The following MPP7 variants were observed in gnomAD, a reference collection of about 807,000 sequenced individuals.
MPP7 encodes the protein MAGUK p55 scaffold protein 7.
A neutral mutation model predicts 76.5 loss-of-function variants in MPP7; 60 were observed. The ratio of observed to expected loss-of-function variants is 0.78; its 90% confidence interval spans 0.64 to 0.97. The LOEUF is 0.97. Among genes scored for constraint, MPP7 ranks in the 50% least tolerant of loss-of-function variants. The pLI is 0.00. For synonymous variants in MPP7, 237 were observed against 244.5 expected (o/e 0.97, Z 0.29); for missense variants, 641 against 694.0 (o/e 0.92, Z 0.86).
intron 3 of MPP7, among the ~76,000 whole-genome samples, chr10:28,184,601 G>A (rs938294004): frequency 2.5e-4 from 37 of 149,300 alleles, no homozygotes; most frequent in Admixed American, 1.6e-3. Context: ...CCAGCTACTC[G>A]GTAGGCTGAC....
intron 3 of MPP7, among the ~76,000 whole-genome samples, chr10:28,154,745 T>TGGGGGG (rs747299776): frequency 2.2e-5 from 3 of 135,216 alleles, no homozygotes; most frequent in African/African-American, 9.3e-5. Context: ...TTAGTTGGGG[T>TGGGGGG]GGGGGGTGGT....
chr10:28,248,252 TA>T (rs1256900072), intron 1 of MPP7, among the ~76,000 whole-genome samples: 1 of 152,114 alleles, frequency 6.6e-6, no homozygotes, highest in African/African-American at 2.4e-5. Flanking sequence ...ATGACCAATT[TA>T]GTGTCAAGAA....
At chr10:28,123,916 C>T (rs1834923592) in intron 8 of MPP7, 115 bp downstream of exon 8, 5 of 690,528 alleles carry the variant, frequency 7.2e-6, no homozygotes, top group Admixed American at 7.0e-5. Context: ...ATTAAGTGTT[C>T]GAACCCTGCA....
intron 13 of MPP7, among the ~76,000 whole-genome samples, chr10:28,063,252 G>A (rs1258307630): frequency 6.6e-6 from 1 of 152,086 alleles, no homozygotes; most frequent in Non-Finnish European, 1.5e-5. Flanking sequence ...TTGAGGCCAG[G>A]AGCTCGAAAC....
chr10:28,321,147 T>A (rs938091669), intron 2 of MPP7, among the ~76,000 whole-genome samples: 1 of 152,158 alleles, frequency 6.6e-6, no homozygotes, highest in African/African-American at 2.4e-5. Context: ...AAAGCTGACA[T>A]CTCAAATATA....
intron 2 of MPP7, among the ~76,000 whole-genome samples, chr10:28,238,002 C>A (rs1839134848): frequency 6.6e-6 from 1 of 151,774 alleles, no homozygotes; most frequent in Admixed American, 6.6e-5. Flanking sequence ...CTTATAAATA[C>A]CTATTCTAGG....
chr10:28,145,778 T>C (rs1835683320), intron 5 of MPP7, among the ~76,000 whole-genome samples: 1 of 148,944 alleles, frequency 6.7e-6, no homozygotes, highest in African/African-American at 2.5e-5. Context: ...CACTGCTAGA[T>C]AAAATGAAAA....
intron 11 of MPP7, chr10:28,118,094 T>C (rs11006880): frequency 0.076 from 72,711 of 959,126 alleles, 4,127 homozygotes; most frequent in East Asian, 0.46. Context: ...GATCCAAATA[T>C]TGAAGTATTA....
chr10:28,186,697 T>C (rs2997210), intron 3 of MPP7, among the ~76,000 whole-genome samples: 125,562 of 152,186 alleles, frequency 0.83, 52,422 homozygotes, highest in African/African-American at 0.89. Flanking sequence ...TATCCAAAAA[T>C]AGCACAATCC....
chr10:28,309,558 C>G (rs1318731446), intron 2 of MPP7, among the ~76,000 whole-genome samples: 1 of 152,170 alleles, frequency 6.6e-6, no homozygotes, highest in African/African-American at 2.4e-5. Context: ...TGGAGCACTC[C>G]CCCTTGTTAC....
chr10:28,299,912 G>A (rs1032346433), intron 1 of MPP7, among the ~76,000 whole-genome samples: 14 of 151,970 alleles, frequency 9.2e-5, no homozygotes, highest in African/African-American at 1.7e-4. Flanking sequence ...GATTACAGGC[G>A]CCCACCACCA....
chr10:28,168,497 G>A (rs747163213), intron 3 of MPP7, among the ~76,000 whole-genome samples: 3 of 151,808 alleles, frequency 2.0e-5, no homozygotes, highest in Non-Finnish European at 4.4e-5. Flanking sequence ...ATGGTAAGTC[G>A]AAAGATATTC....
intron 2 of MPP7, among the ~76,000 whole-genome samples, chr10:28,224,560 C>A (rs551193511): frequency 2.0e-5 from 3 of 152,162 alleles, no homozygotes; most frequent in Non-Finnish European, 4.4e-5. Context: ...ATATGTCCTT[C>A]ATTAAATTAA....
At chr10:28,067,987 T>G (rs1488931517) in intron 13 of MPP7, among the ~76,000 whole-genome samples, 6 of 152,156 alleles carry the variant, frequency 3.9e-5, no homozygotes, top group Admixed American at 3.9e-4. Flanking sequence ...CATCTTATAC[T>G]TGACTGGGAA....
chr10:28,066,090 G>A (rs531247765), intron 13 of MPP7, among the ~76,000 whole-genome samples: 2 of 152,160 alleles, frequency 1.3e-5, no homozygotes, highest in African/African-American at 4.8e-5. Context: ...CCACAGGCTG[G>A]GCATGTTGGC....
chr10:28,148,874 T>C (rs1386078907), intron 4 of MPP7, among the ~76,000 whole-genome samples: 1 of 152,140 alleles, frequency 6.6e-6, no homozygotes, highest in Non-Finnish European at 1.5e-5. Context: ...ATAGTAAATG[T>C]TTTAAAACTG....
At chr10:28,116,423 TTCTA>T in intron 11 of MPP7, among the ~76,000 whole-genome samples, 1 of 152,324 alleles carries the variant, frequency 6.6e-6, no homozygotes, top group African/African-American at 2.4e-5. Flanking sequence ...TACTCCTACA[TTCTA>T]TCTGAGACAT....
intron 3 of MPP7, among the ~76,000 whole-genome samples, chr10:28,191,987 A>G (rs990804211): frequency 3.3e-5 from 5 of 151,996 alleles, no homozygotes; most frequent in African/African-American, 9.7e-5. Flanking sequence ...AGCCAGGCGT[A>G]GTGACGCACA....
chr10:28,262,634 T>G (rs898936930), intron 1 of MPP7, among the ~76,000 whole-genome samples: 1 of 152,164 alleles, frequency 6.6e-6, no homozygotes, highest in African/African-American at 2.4e-5. Flanking sequence ...CTAAGAAACA[T>G]TCGCTAGTTA....
Sources: allele counts gnomAD v4.1 joint callset (sites outside exome capture counted in the v4.1 genomes callset), GRCh38; gene constraint gnomAD v4.1.1; transcripts MANE v1.5; gene names NCBI Gene and HGNC (gene_info 2026-07-23, HGNC 2026-07-21).